The following NRCAM variants were observed in gnomAD, a reference collection of about 807,000 sequenced individuals.
NRCAM encodes the protein NgCAM-related cell adhesion molecule.
NRCAM carries 83 observed loss-of-function variants against 156.5 expected under a neutral mutation model. The ratio of observed to expected loss-of-function variants is 0.53; its 90% CI spans 0.44 to 0.64. The LOEUF is 0.64. NRCAM is among the 30% of genes least tolerant of loss of function. The pLI, the probability that NRCAM is intolerant of heterozygous loss-of-function variation, is 0.00. For missense variants in NRCAM, 1,417 were observed against 1,597.3 expected (o/e 0.89, Z 1.92); for synonymous variants, 538 against 563.9 (o/e 0.95, Z 0.65).
At chr7:108,359,077 A>G (rs993630002) in intron 2 of NRCAM, among the ~76,000 whole-genome samples, 1 of 152,186 alleles carries the variant, frequency 6.6e-6, no homozygotes, top group East Asian at 1.9e-4. Context: ...AGTAGGATGT[A>G]GGCTATTTTA....
At chr7:108,159,580 T>G in intron 31 of NRCAM, 39 bp from the exon 32 acceptor site, 1 of 1,481,168 alleles carries the variant, frequency 6.8e-7, no homozygotes, top group Non-Finnish European at 9.4e-7. Context: ...CTGTTGATCC[T>G]GTTCTTTCTT....
intron 2 of NRCAM, among the ~76,000 whole-genome samples, chr7:108,386,681 G>A (rs2099741755): frequency 6.6e-6 from 1 of 152,124 alleles, no homozygotes; most frequent in African/African-American, 2.4e-5. Flanking sequence ...CCTATTCAAT[G>A]AAAGAAGACC....
At chr7:108,314,176 G>A (rs1337319384) in intron 2 of NRCAM, among the ~76,000 whole-genome samples, 3 of 152,130 alleles carry the variant, frequency 2.0e-5, no homozygotes, top group Non-Finnish European at 4.4e-5. Flanking sequence ...CCACCTTGTG[G>A]TGATGTAAAC....
intron 3 of NRCAM, among the ~76,000 whole-genome samples, chr7:108,303,727 G>C (rs2098669540): frequency 6.6e-6 from 1 of 151,964 alleles, no homozygotes; most frequent in African/African-American, 2.4e-5. Flanking sequence ...GGCTCTCCCA[G>C]AGCCTGGAAT....
intron 2 of NRCAM, among the ~76,000 whole-genome samples, chr7:108,361,851 A>G (rs1382510930): frequency 1.3e-5 from 2 of 151,720 alleles, no homozygotes; most frequent in East Asian, 3.9e-4. Flanking sequence ...ATGTGTATAT[A>G]CGTATATGTA....
chr7:108,420,093 T>C (rs1807376211), intron 1 of NRCAM, among the ~76,000 whole-genome samples: 1 of 151,650 alleles, frequency 6.6e-6, no homozygotes, highest in South Asian at 2.1e-4. Flanking sequence ...TTTCAAGTAT[T>C]TGAATCTACA....
At chr7:108,308,856 C>G (rs1051009480) in intron 3 of NRCAM, among the ~76,000 whole-genome samples, 1 of 152,088 alleles carries the variant, frequency 6.6e-6, no homozygotes, top group Non-Finnish European at 1.5e-5. Context: ...ATGCAAGAGG[C>G]AGAAATGAGA....
At chr7:108,229,179 T>G (rs1324474533) in intron 8 of NRCAM, among the ~76,000 whole-genome samples, 1 of 152,216 alleles carries the variant, frequency 6.6e-6, no homozygotes, top group Non-Finnish European at 1.5e-5. Context: ...AATTCAGTAG[T>G]CATTTTTTAG....
At chr7:108,442,945 A>T (rs1840230438) in intron 1 of NRCAM, among the ~76,000 whole-genome samples, 1 of 126,914 alleles carries the variant, frequency 7.9e-6, no homozygotes, top group African/African-American at 3.3e-5. Context: ...TTCCTGCTGG[A>T]TGTTGGTAGA....
rs1197442242 is a variant in NRCAM, at chr7:108,237,734, T to C, written c.124+18A>G. On this transcript the variant is annotated intron_variant, in intron 5 of 32. Transcript: ENST00000379028. The stretch of plus-strand genomic sequence containing the variant: ...TCACATTTTCACACTGCCTAGTAAT[T>C]TATAGAAGGACACTTACAGTCTTCA... 2 of 1,577,092 alleles carry C rather than the reference T, an allele frequency of 1.3e-6. No individual in the cohort carries two copies. Among genetic ancestry groups the C allele is most frequent in the Non-Finnish European group, 1.7e-6 (2 of 1,162,640 alleles).
chr7:108,356,791 C>A (rs2300030), intron 2 of NRCAM, among the ~76,000 whole-genome samples: 6 of 151,772 alleles, frequency 4.0e-5, no homozygotes, highest in Admixed American at 2.0e-4. Context: ...GAGCCCTCTG[C>A]TATAATGAAG....
At chr7:108,229,780 C>G (rs2094051373) in intron 8 of NRCAM, among the ~76,000 whole-genome samples, 1 of 152,140 alleles carries the variant, frequency 6.6e-6, no homozygotes, top group Admixed American at 6.5e-5. Flanking sequence ...AGTCTCCAAG[C>G]AGAACCATGT....
chr7:108,319,278 G>A (rs2098971656), intron 2 of NRCAM, among the ~76,000 whole-genome samples: 1 of 152,152 alleles, frequency 6.6e-6, no homozygotes, highest in Admixed American at 6.5e-5. Context: ...TACTTTCTGT[G>A]TCCTTGAAAA....
At chr7:108,206,282 C>A (rs563803532) in intron 13 of NRCAM, among the ~76,000 whole-genome samples, 1 of 152,302 alleles carries the variant, frequency 6.6e-6, no homozygotes, top group Admixed American at 6.5e-5. Context: ...GTTTTTGGAA[C>A]CATCTTAGGG....
intron 32 of NRCAM, among the ~76,000 whole-genome samples, chr7:108,151,421 T>G (rs576721485): frequency 6.6e-6 from 1 of 151,396 alleles, no homozygotes; most frequent in Non-Finnish European, 1.5e-5. Flanking sequence ...AGACAGTGAC[T>G]TTTTTTTTCA....
chr7:108,383,826 GTTT>G (rs1158255703), intron 2 of NRCAM, among the ~76,000 whole-genome samples: 1 of 152,042 alleles, frequency 6.6e-6, no homozygotes, highest in East Asian at 1.9e-4. Flanking sequence ...TGTGTGCTTG[GTTT>G]TTTTCTTCTG....
At chr7:108,443,923 C>A (rs570459794) in intron 1 of NRCAM, among the ~76,000 whole-genome samples, 1 of 137,334 alleles carries the variant, frequency 7.3e-6, no homozygotes, top group South Asian at 2.1e-4. Flanking sequence ...TACATACATA[C>A]ATACATAGAT....
intron 2 of NRCAM, among the ~76,000 whole-genome samples, chr7:108,354,439 A>G (rs558897612): frequency 6.6e-6 from 1 of 152,360 alleles, no homozygotes; most frequent in Admixed American, 6.5e-5. Flanking sequence ...GGCAGGTAAG[A>G]TAAAAGGAAT....
rs895377333 is a variant in NRCAM, at chr7:108,216,293, A to G, written c.891-6688T>C. On this transcript the variant is annotated intron_variant, in intron 11 of 32. Coordinates refer to ENST00000379028, the MANE Select transcript of NRCAM (RefSeq NM_001037132.4). ...TGCCAAAAGATCCGCTGTTAGTCTG[A>G]TGGGCTTTCCTTTGTGGAGAACCCA... Among the ~76,000 whole-genome samples, 3 of 152,170 alleles carry G rather than the reference A, an allele frequency of 2.0e-5. 1 individual carries two copies. Among genetic ancestry groups the G allele is most frequent in the Admixed American group, 2.0e-4 (3 of 15,282 alleles).
Sources: gnomAD v4.1 joint callset for allele counts (sites outside exome capture counted in the v4.1 genomes callset) on GRCh38, gnomAD v4.1.1 for gene constraint, MANE v1.5 for transcripts, NCBI Gene and HGNC (gene_info 2026-07-23, HGNC 2026-07-21) for gene names.